PRKD1: variants seen among roughly 807,000 people sequenced by gnomAD.
PRKD1 encodes the protein protein kinase D1, also known as serine/threonine-protein kinase D1.
A neutral mutation model predicts 95.9 loss-of-function variants in PRKD1; 63 were observed. That is an observed-to-expected ratio of 0.66 (90% CI 0.54 to 0.81). The LOEUF is 0.81. PRKD1 is among the 30% of genes least tolerant of loss of function. The pLI is 0.00. For synonymous variants in PRKD1, 425 were observed against 423.1 expected, an observed-to-expected ratio of 1.00 and a Z score of -0.05; for missense variants, 1,048 against 1,165.3, an observed-to-expected ratio of 0.90 and a Z score of 1.47.
At chr14:29,828,751 A>C (rs1055681952) in intron 1 of PRKD1, among the ~76,000 whole-genome samples, 2 of 152,206 alleles carry the variant, frequency 1.3e-5, no homozygotes, top group African/African-American at 4.8e-5. Flanking sequence ...CATATACTGA[A>C]TTAGATATAA....
intron 2 of PRKD1, among the ~76,000 whole-genome samples, chr14:29,705,547 A>C (rs1885043114): frequency 6.6e-6 from 1 of 151,964 alleles, no homozygotes; most frequent in Admixed American, 6.6e-5. Context: ...AAATATTCAT[A>C]AGGTTCCTGA....
chr14:29,872,697 A>G (rs563051241), intron 1 of PRKD1, among the ~76,000 whole-genome samples: 47 of 151,982 alleles, frequency 3.1e-4, no homozygotes, highest in African/African-American at 1.1e-3. Flanking sequence ...CACACCAAAT[A>G]TATCCCTTTT....
intron 1 of PRKD1, among the ~76,000 whole-genome samples, chr14:29,904,072 A>G (rs1054044174): frequency 6.6e-6 from 1 of 152,316 alleles, no homozygotes. Flanking sequence ...TAGATTTAGA[A>G]AAGTTTATAG....
chr14:29,717,882 C>T (rs1051004660), intron 2 of PRKD1, among the ~76,000 whole-genome samples: 2 of 152,076 alleles, frequency 1.3e-5, no homozygotes, highest in Non-Finnish European at 2.9e-5. Flanking sequence ...TTTAGGGGTG[C>T]TTGAGGAAAA....
intron 1 of PRKD1, among the ~76,000 whole-genome samples, chr14:29,860,432 C>T (rs1244295460): frequency 6.6e-6 from 1 of 152,086 alleles, no homozygotes; most frequent in Non-Finnish European, 1.5e-5. Flanking sequence ...GTAAAAGCTG[C>T]AAGATAAGAA....
intron 2 of PRKD1, among the ~76,000 whole-genome samples, chr14:29,680,790 C>T (rs933985510): frequency 6.6e-6 from 1 of 152,022 alleles, no homozygotes; most frequent in Non-Finnish European, 1.5e-5. Context: ...ATGAGACAAA[C>T]GAGTCTTTTG....
At chr14:29,586,413 TC>T (rs1245697321) in intron 16 of PRKD1, among the ~76,000 whole-genome samples, 1 of 152,212 alleles carries the variant, frequency 6.6e-6, no homozygotes, top group Non-Finnish European at 1.5e-5. Flanking sequence ...TGAAACTATG[TC>T]CTCTATTTAG....
intron 1 of PRKD1, among the ~76,000 whole-genome samples, chr14:29,873,388 T>C (rs778705824): frequency 5.9e-5 from 9 of 152,102 alleles, no homozygotes; most frequent in Non-Finnish European, 8.8e-5. Context: ...CGCCCAGCCA[T>C]ACTACTTTTA....
Position 29,909,605 on chromosome 14 carries a change from G to C in PRKD1, c.264+17644C>G, listed in dbSNP as rs1269958894. 2.0e-5 allele frequency among the ~76,000 whole-genome samples: 3 copies of C among 152,130 alleles called. No homozygotes were observed. The East Asian group carries it at 5.8e-4, about 29-fold the overall frequency. On this transcript the variant is annotated intron_variant, in intron 1 of 17. Coordinates refer to ENST00000331968, the MANE Select transcript of PRKD1 (RefSeq NM_002742.3). ...CACTCTGTATCTGGCTAATCTGGTG[G>C]GGACTTGGAGAACCTTTATGTCTAG...
intron 16 of PRKD1, 97 bp from the exon 17 acceptor site, chr14:29,578,457 T>TA: frequency 2.9e-6 from 2 of 690,524 alleles, no homozygotes; most frequent in Non-Finnish European, 4.1e-6. Context: ...CACAGTTAAA[T>TA]GCAGCATAGT....
intron 1 of PRKD1, among the ~76,000 whole-genome samples, chr14:29,843,466 A>G (rs1891949042): frequency 6.6e-6 from 1 of 152,212 alleles, no homozygotes; most frequent in African/African-American, 2.4e-5. Context: ...TATTGACAAA[A>G]AAACAGGATA....
At chr14:29,638,044 T>G (rs1429488703) in intron 6 of PRKD1, among the ~76,000 whole-genome samples, 1 of 152,170 alleles carries the variant, frequency 6.6e-6, no homozygotes, top group Admixed American at 6.5e-5. Flanking sequence ...AGAGTTTTCT[T>G]GAAGGAATAT....
At position 29,636,403 on chromosome 14, in the gene PRKD1, A is replaced by G. The variant is rs1880377457; in HGVS notation, c.1077T>C (p.Asp359=). The change falls in exon 7 of 18, where the codon GAT becomes GAC. Residue 359 remains aspartate, a synonymous_variant. Transcript: ENST00000331968. ...CATCTTGGACCATTGCTTCTTCCAT[A>G]TCATCCATGAGCCCACTGTTCCTTT... ...DSERNSGLMD[D]MEEAMVQDAE... is the part of the protein sequence containing the mutation. 6.2e-7 allele frequency: 1 copy of G among 1,614,102 alleles called. No homozygotes were observed. Among genetic ancestry groups the G allele is most frequent in the East Asian group, 2.2e-5 (1 of 44,856 alleles).
chr14:29,775,333 C>T (rs563921619), intron 1 of PRKD1, among the ~76,000 whole-genome samples: 1 of 152,266 alleles, frequency 6.6e-6, no homozygotes, highest in South Asian at 2.1e-4. Context: ...GAATGAGAGT[C>T]GAAGCAGGGC....
intron 2 of PRKD1, among the ~76,000 whole-genome samples, chr14:29,689,045 A>AGGCACAG (rs1388917314): frequency 6.6e-6 from 1 of 151,814 alleles, no homozygotes; most frequent in African/African-American, 2.4e-5. Context: ...TTCAGGATAT[A>AGGCACAG]GGCACAGGCA....
intron 1 of PRKD1, among the ~76,000 whole-genome samples, chr14:29,825,324 T>C (rs892464345): frequency 7.2e-5 from 11 of 152,166 alleles, no homozygotes. Context: ...ATATAAGGTC[T>C]GCAAAGTAAT....
chr14:29,876,917 C>G, intron 1 of PRKD1, among the ~76,000 whole-genome samples: 1 of 151,922 alleles, frequency 6.6e-6, no homozygotes, highest in East Asian at 1.9e-4. Flanking sequence ...GTTGGGAGGC[C>G]GAGGCAGGAG....
chr14:29,785,330 T>G (rs1889220624), intron 1 of PRKD1, among the ~76,000 whole-genome samples: 1 of 152,228 alleles, frequency 6.6e-6, no homozygotes, highest in Non-Finnish European at 1.5e-5. Flanking sequence ...TTGTAGCTAT[T>G]GTAAATGCGT....
At chr14:29,838,426 G>T (rs1035009297) in intron 1 of PRKD1, among the ~76,000 whole-genome samples, 1 of 151,986 alleles carries the variant, frequency 6.6e-6, no homozygotes, top group African/African-American at 2.4e-5. Context: ...TAGAATTGAG[G>T]CCCCCTGTAT....
Sources: allele counts gnomAD v4.1 joint callset (sites outside exome capture counted in the v4.1 genomes callset), GRCh38; gene constraint gnomAD v4.1.1; transcripts MANE v1.5; gene names NCBI Gene and HGNC (gene_info 2026-07-23, HGNC 2026-07-21).